NRF1: variants seen among roughly 807,000 people sequenced by gnomAD.
The protein encoded by NRF1 is alpha palindromic-binding protein.
In NRF1, 5 loss-of-function variants were observed where a neutral mutation model predicts 58.5. That is an observed-to-expected ratio of 0.09 (90% CI 0.04 to 0.18). NRF1 has a LOEUF of 0.18. Among genes scored for constraint, NRF1 ranks in the 10% least tolerant of loss-of-function variants. NRF1 has a pLI of 1.00. For synonymous variants in NRF1, 224 were observed against 246.7 expected (o/e 0.91, Z 0.86); for missense variants, 288 against 657.7 (o/e 0.44, Z 6.15).
intron 10 of NRF1, among the ~76,000 whole-genome samples, chr7:129,736,756 G>A (rs762275628): frequency 4.9e-5 from 7 of 144,214 alleles, no homozygotes; most frequent in Non-Finnish European, 1.1e-4. Flanking sequence ...CACAAAAAAA[G>A]GTTAAGAACC....
intron 1 of NRF1, among the ~76,000 whole-genome samples, chr7:129,620,950 T>C (rs1013472864): frequency 2.0e-5 from 3 of 152,218 alleles, no homozygotes; most frequent in African/African-American, 7.2e-5. Flanking sequence ...GTAGTGTCTT[T>C]CTGAAATATG....
intron 1 of NRF1, among the ~76,000 whole-genome samples, chr7:129,625,222 A>G (rs370645982): frequency 6.6e-6 from 1 of 152,100 alleles, no homozygotes; most frequent in African/African-American, 2.4e-5. Flanking sequence ...TTCACCCTTA[A>G]AAGGACACTT....
intron 1 of NRF1, among the ~76,000 whole-genome samples, chr7:129,634,067 C>T (rs1174566011): frequency 1.0e-3 from 145 of 138,474 alleles, no homozygotes; most frequent in Admixed American, 2.2e-3. Context: ...TATATACACA[C>T]ACACACACAC....
At chr7:129,639,651 C>T (rs78730516) in intron 1 of NRF1, among the ~76,000 whole-genome samples, 3,698 of 149,744 alleles carry the variant, frequency 0.025, 54 homozygotes, top group Middle Eastern at 0.076. Flanking sequence ...GGGTTCAAGC[C>T]ATTCTCCTGC....
intron 5 of NRF1, among the ~76,000 whole-genome samples, chr7:129,695,130 G>A (rs1802657639): frequency 6.6e-6 from 1 of 152,122 alleles, no homozygotes; most frequent in Admixed American, 6.5e-5. Flanking sequence ...ACTGTAATTT[G>A]AGGAGTTTAG....
intron 2 of NRF1, among the ~76,000 whole-genome samples, chr7:129,658,214 T>G (rs1264490495): frequency 6.6e-6 from 1 of 152,152 alleles, no homozygotes; most frequent in African/African-American, 2.4e-5. Context: ...TATTTTTTCA[T>G]TTTTTTCTTG....
intron 5 of NRF1, among the ~76,000 whole-genome samples, chr7:129,701,366 G>A (rs1326033509): frequency 6.6e-6 from 1 of 152,090 alleles, no homozygotes; most frequent in Non-Finnish European, 1.5e-5. Context: ...GGGAGGCTGA[G>A]GTGGGTGGAT....
intron 1 of NRF1, among the ~76,000 whole-genome samples, chr7:129,626,209 A>G (rs1358907964): frequency 6.6e-6 from 1 of 152,212 alleles, no homozygotes; most frequent in Non-Finnish European, 1.5e-5. Flanking sequence ...TACTTGGCAC[A>G]TGGTAGCTAA....
At chr7:129,710,045 A>G (rs1417727590) in intron 6 of NRF1, among the ~76,000 whole-genome samples, 1 of 151,906 alleles carries the variant, frequency 6.6e-6, no homozygotes, top group African/African-American at 2.4e-5. Context: ...TTTATTTTTC[A>G]TTTAGCTTGG....
chr7:129,727,431 T>G, intron 10 of NRF1, 66 bp downstream of exon 10: 2 of 1,499,924 alleles, frequency 1.3e-6, no homozygotes, highest in Non-Finnish European at 1.8e-6. Flanking sequence ...CTGACATGAC[T>G]GGCAACAAAG....
chr7:129,638,071 A>G (rs1184920515), intron 1 of NRF1, among the ~76,000 whole-genome samples: 2 of 151,342 alleles, frequency 1.3e-5, no homozygotes, highest in African/African-American at 2.4e-5. Context: ...AGTAGACTCT[A>G]GTTTTTTTTG....
chr7:129,637,766 C>T (rs1801199468), intron 1 of NRF1, among the ~76,000 whole-genome samples: 4 of 152,242 alleles, frequency 2.6e-5, no homozygotes, highest in South Asian at 4.2e-4. Flanking sequence ...TTATCCAACC[C>T]GCAGCCCACA....
intron 10 of NRF1, among the ~76,000 whole-genome samples, chr7:129,744,553 G>A (rs1314902773): frequency 6.6e-6 from 1 of 152,010 alleles, no homozygotes; most frequent in African/African-American, 2.4e-5. Context: ...ACCTCTAGTT[G>A]GGATTCTTTT....
intron 10 of NRF1, chr7:129,734,941 A>G (rs1584683444): frequency 4.1e-6 from 2 of 488,914 alleles, no homozygotes; most frequent in African/African-American, 4.2e-5. Context: ...TGTCTCTAAC[A>G]AAGTTGAGAC....
chr7:129,638,331 G>C (rs1456656973), intron 1 of NRF1, among the ~76,000 whole-genome samples: 1 of 152,082 alleles, frequency 6.6e-6, no homozygotes, highest in Admixed American at 6.6e-5. Flanking sequence ...AATTATACTT[G>C]ACACTTTATT....
chr7:129,753,726 CT>C (rs35182596), intron 10 of NRF1, among the ~76,000 whole-genome samples: 130,421 of 151,530 alleles, frequency 0.86, 56,120 homozygotes, highest in East Asian at 0.93. Context: ...TAGCTGGGGT[CT>C]TTTTTTTTTA....
chr7:129,635,230 G>A (rs190891295), intron 1 of NRF1, among the ~76,000 whole-genome samples: 30 of 152,278 alleles, frequency 2.0e-4, no homozygotes, highest in East Asian at 3.9e-4. Flanking sequence ...GAAACAATAC[G>A]TTAATAAAAC....
intron 1 of NRF1, among the ~76,000 whole-genome samples, chr7:129,644,691 C>G (rs1012503162): frequency 6.6e-6 from 1 of 152,158 alleles, no homozygotes; most frequent in African/African-American, 2.4e-5. Flanking sequence ...TAATCCAGAA[C>G]CTATAAGAGA....
intron 2 of NRF1, among the ~76,000 whole-genome samples, chr7:129,670,794 C>G (rs902442061): frequency 1.3e-5 from 2 of 152,168 alleles, no homozygotes; most frequent in African/African-American, 4.8e-5. Flanking sequence ...AACATTTTCT[C>G]AGAGTGGGAA....
Sources: gnomAD v4.1 joint callset for allele counts (sites outside exome capture counted in the v4.1 genomes callset) on GRCh38, gnomAD v4.1.1 for gene constraint, MANE v1.5 for transcripts, NCBI Gene and HGNC (gene_info 2026-07-23, HGNC 2026-07-21) for gene names.